The following SH3RF3 variants were observed in gnomAD, a reference collection of about 807,000 sequenced individuals.
SH3RF3 encodes the protein SH3 domain containing ring finger 3.
Under a neutral mutation model 66.3 loss-of-function variants are expected in SH3RF3, and 29 were observed. The observed-to-expected ratio is 0.44, with a 90% CI of 0.33 to 0.60. The LOEUF (loss-of-function observed/expected upper bound fraction) is 0.60. SH3RF3 is among the 20% of genes least tolerant of loss of function. The pLI, the probability that SH3RF3 is intolerant of heterozygous loss-of-function variation, is 0.04. For synonymous variants in SH3RF3, 583 were observed against 532.0 expected (o/e 1.10, Z -1.32); for missense variants, 1,194 against 1,190.9 (o/e 1.00, Z -0.04).
At chr2:109,484,419 ACT>A (rs1678916654) in intron 8 of SH3RF3, among the ~76,000 whole-genome samples, 1 of 151,054 alleles carries the variant, frequency 6.6e-6, no homozygotes, top group Non-Finnish European at 1.5e-5. Flanking sequence ...GCCCATCCAC[ACT>A]CTGGCCCGCA....
Position 109,129,664 on chromosome 2 carries a change from G to T in SH3RF3, c.124G>T (p.Ala42Ser), listed in dbSNP as rs1342323721. The T allele has an allele frequency of 1.3e-6, 2 of 1,508,086 alleles. No individual in the cohort carries two copies. Among genetic ancestry groups the T allele is most frequent in the South Asian group, 2.5e-5 (2 of 80,726 alleles). 93.4% of individuals were successfully genotyped at this position (1,508,086 alleles called of 1,614,324 possible). A position where few individuals can be genotyped will look rare whatever the true frequency, so the allele number is the denominator to read the frequency against. The change falls in exon 1 of 10, where the codon GCG becomes TCG. Residue 42 changes from alanine (A) to serine (S), a missense_variant. By Grantham distance (99) the Ala-to-Ser change is moderately conservative. Transcript: ENST00000309415. ...RRRAAATAAG[A>S]GEDMDESSLL... ...TCGGGCGGCGGCCACCGCCGCGGGG[G>T]CGGGCGAGGACATGGACGAGTCGTC...
intron 1 of SH3RF3, among the ~76,000 whole-genome samples, chr2:109,315,007 A>AGCTGC (rs1681838947): frequency 2.6e-5 from 4 of 152,188 alleles, no homozygotes; most frequent in African/African-American, 4.8e-5. Context: ...ACTGTCCCAT[A>AGCTGC]AGGTAGCCAC....
chr2:109,292,020 C>T (rs530837962), intron 1 of SH3RF3, among the ~76,000 whole-genome samples: 14 of 152,220 alleles, frequency 9.2e-5, no homozygotes, highest in South Asian at 6.2e-4. Context: ...CACGCCACCA[C>T]GCCCAGCTAA....
chr2:109,150,706 G>T (rs971444238), intron 1 of SH3RF3, among the ~76,000 whole-genome samples: 1 of 152,112 alleles, frequency 6.6e-6, no homozygotes, highest in Non-Finnish European at 1.5e-5. Flanking sequence ...TTGGTGCGAT[G>T]AGCCTCATTT....
At chr2:109,288,956 A>G (rs1000942174) in intron 1 of SH3RF3, among the ~76,000 whole-genome samples, 1 of 152,166 alleles carries the variant, frequency 6.6e-6, no homozygotes, top group Non-Finnish European at 1.5e-5. Context: ...TAAATTGACA[A>G]ATTTATTTGT....
Position 109,129,647 on chromosome 2 carries a change from C to A in SH3RF3, c.107C>A (p.Ala36Glu). 1 of 1,499,058 alleles carries A rather than the reference C, an allele frequency of 6.7e-7. No homozygotes were observed. The highest frequency in any genetic ancestry group is 2.2e-5 in the Admixed American group (1 of 45,554). 92.9% of individuals were successfully genotyped at this position (1,499,058 alleles called of 1,614,324 possible). The change falls in exon 1 of 10, where the codon GCG becomes GAG. Residue 36 changes from alanine to glutamate, a missense_variant. Transcript: ENST00000309415. ...GGCGAGCGACGGCGGCGTCGGGCGG[C>A]GGCCACCGCCGCGGGGGCGGGCGAG... is the stretch of plus-strand genomic sequence containing the variant. ...RPGERRRRRA[A>E]ATAAGAGEDM...
chr2:109,297,095 A>C (rs1164533885), intron 1 of SH3RF3, among the ~76,000 whole-genome samples: 1 of 151,968 alleles, frequency 6.6e-6, no homozygotes, highest in Non-Finnish European at 1.5e-5. Flanking sequence ...GGTGACCGGG[A>C]TGGGAAGCCC....
chr2:109,302,773 G>A (rs760559187), intron 1 of SH3RF3, among the ~76,000 whole-genome samples: 1 of 152,136 alleles, frequency 6.6e-6, no homozygotes, highest in Non-Finnish European at 1.5e-5. Context: ...CCTGCCTCTC[G>A]GAGGCTGAAA....
chr2:109,257,301 T>G (rs759592131), intron 1 of SH3RF3, among the ~76,000 whole-genome samples: 1 of 147,824 alleles, frequency 6.8e-6, no homozygotes, highest in Non-Finnish European at 1.5e-5. Context: ...TTAAGTGATG[T>G]GGGCTTAAGG....
chr2:109,462,353 G>T (rs1423003882), intron 8 of SH3RF3, among the ~76,000 whole-genome samples: 1 of 151,938 alleles, frequency 6.6e-6, no homozygotes. Flanking sequence ...ATTAATCACT[G>T]CATATCAGAT....
intron 1 of SH3RF3, among the ~76,000 whole-genome samples, chr2:109,148,867 T>C (rs1048412042): frequency 2.5e-4 from 38 of 151,974 alleles, no homozygotes; most frequent in Admixed American, 4.6e-4. Flanking sequence ...GTATTTTAGG[T>C]GAATTCATGG....
chr2:109,407,918 AAT>A (rs1676489179), intron 4 of SH3RF3, among the ~76,000 whole-genome samples: 1 of 152,210 alleles, frequency 6.6e-6, no homozygotes, highest in African/African-American at 2.4e-5. Context: ...AAAGCTTACC[AAT>A]CACAGTGCAG....
chr2:109,300,531 A>C (rs1473713261), intron 1 of SH3RF3, among the ~76,000 whole-genome samples: 3 of 152,104 alleles, frequency 2.0e-5, no homozygotes, highest in Non-Finnish European at 4.4e-5. Context: ...AAAGACATGA[A>C]TCCATGCTCC....
At chr2:109,442,890 C>T (rs1677608824) in intron 7 of SH3RF3, among the ~76,000 whole-genome samples, 1 of 152,162 alleles carries the variant, frequency 6.6e-6, no homozygotes, top group African/African-American at 2.4e-5. Flanking sequence ...GCCTAAATAA[C>T]CCTAAATATA....
At chr2:109,456,551 G>C (rs1047971143) in intron 8 of SH3RF3, among the ~76,000 whole-genome samples, 17 of 152,352 alleles carry the variant, frequency 1.1e-4, no homozygotes, top group East Asian at 5.8e-4. Context: ...AGCCTGGTCT[G>C]AGCAGAGGTC....
chr2:109,391,378 T>C (rs983899380), intron 3 of SH3RF3, among the ~76,000 whole-genome samples: 8 of 152,180 alleles, frequency 5.3e-5, no homozygotes, highest in Non-Finnish European at 1.2e-4. Flanking sequence ...ACATCTGCCA[T>C]GTGCTGGAGG....
chr2:109,278,166 G>T (rs898229071), intron 1 of SH3RF3, among the ~76,000 whole-genome samples: 1 of 145,742 alleles, frequency 6.9e-6, no homozygotes, highest in East Asian at 2.0e-4. Flanking sequence ...GATAGAGCAA[G>T]ACCCAATCTT....
chr2:109,194,819 T>G (rs1266614285), intron 1 of SH3RF3, among the ~76,000 whole-genome samples: 2 of 152,072 alleles, frequency 1.3e-5, no homozygotes, highest in African/African-American at 4.8e-5. Flanking sequence ...ACGAAAAGAT[T>G]GAGAAGCTTA....
intron 1 of SH3RF3, among the ~76,000 whole-genome samples, chr2:109,303,358 G>C (rs988857978): frequency 6.6e-6 from 1 of 152,206 alleles, no homozygotes; most frequent in Non-Finnish European, 1.5e-5. Flanking sequence ...TCAGTTGAAT[G>C]AAGGTGGGCA....
Sources: gnomAD v4.1 joint callset for allele counts (sites outside exome capture counted in the v4.1 genomes callset) on GRCh38, gnomAD v4.1.1 for gene constraint, MANE v1.5 for transcripts, NCBI Gene and HGNC (gene_info 2026-07-23, HGNC 2026-07-21) for gene names.